Variants in CLVS1 observed in about 807,000 individuals in gnomAD.
The protein encoded by CLVS1 is clavesin 1, also known as clavesin-1.
Under a neutral mutation model 33.1 loss-of-function variants are expected in CLVS1, and 10 were observed. That is an observed-to-expected ratio of 0.30 (90% CI 0.19 to 0.51). The LOEUF is 0.51. Ranked by LOEUF, CLVS1 falls within the 20% of genes least tolerant of loss-of-function variation. The pLI, the probability that CLVS1 is intolerant of heterozygous loss-of-function variation, is 0.97. For missense variants in CLVS1, 343 were observed against 433.4 expected (o/e 0.79, Z 1.85); for synonymous variants, 163 against 166.1 (o/e 0.98, Z 0.14).
chr8:61,292,731 A>G (rs1810040981), intron 1 of CLVS1, among the ~76,000 whole-genome samples: 1 of 152,186 alleles, frequency 6.6e-6, no homozygotes, highest in Non-Finnish European at 1.5e-5. Flanking sequence ...TTCCCTATAT[A>G]TTAACTTTGT....
At chr8:61,339,168 G>T (rs1322628678) in intron 2 of CLVS1, among the ~76,000 whole-genome samples, 1 of 152,114 alleles carries the variant, frequency 6.6e-6, no homozygotes, top group Non-Finnish European at 1.5e-5. Flanking sequence ...CTGCTATTGT[G>T]GGGGTCCTCT....
chr8:61,002,153 A>AT, the CLVS1 span, among the ~76,000 whole-genome samples: 13 of 146,992 alleles, frequency 8.8e-5, no homozygotes, highest in Non-Finnish European at 1.7e-4. Flanking sequence ...TAATTTTTGT[A>AT]TTTTTTTTTG....
chr8:61,071,071 C>G (rs1172842231), intron 1 of CLVS1, among the ~76,000 whole-genome samples: 1 of 152,164 alleles, frequency 6.6e-6, no homozygotes, highest in African/African-American at 2.4e-5. Flanking sequence ...ATTCTGTGAG[C>G]CCAGTTCTAT....
chr8:61,195,690 T>G (rs1807589791), intron 2 of CLVS1, among the ~76,000 whole-genome samples: 1 of 152,086 alleles, frequency 6.6e-6, no homozygotes, highest in Non-Finnish European at 1.5e-5. Context: ...TATGAGAAAT[T>G]ATTTATTTCA....
At chr8:61,416,665 G>T (rs1007438877) in intron 3 of CLVS1, among the ~76,000 whole-genome samples, 2 of 152,122 alleles carry the variant, frequency 1.3e-5, no homozygotes, top group African/African-American at 4.8e-5. Context: ...GCTTCCCCCA[G>T]GCCTGCTTGG....
intron 3 of CLVS1, among the ~76,000 whole-genome samples, chr8:61,410,885 G>A (rs888951387): frequency 7.9e-5 from 12 of 152,146 alleles, no homozygotes; most frequent in Middle Eastern, 3.4e-3. Flanking sequence ...CAAGTGATCC[G>A]CCTGCCTTAG....
chr8:61,379,941 A>G (rs1014358555), intron 3 of CLVS1, among the ~76,000 whole-genome samples: 2 of 152,204 alleles, frequency 1.3e-5, no homozygotes, highest in African/African-American at 2.4e-5. Flanking sequence ...CTCTTCAGCT[A>G]GAGGTTCCAA....
the CLVS1 span, among the ~76,000 whole-genome samples, chr8:61,050,652 G>A: frequency 7.0e-6 from 1 of 142,776 alleles, no homozygotes; most frequent in African/African-American, 2.7e-5. Flanking sequence ...CTCAGGGAGG[G>A]ACATTTCACT....
At chr8:61,039,374 A>G in the CLVS1 span, among the ~76,000 whole-genome samples, 1 of 152,156 alleles carries the variant, frequency 6.6e-6, no homozygotes, top group African/African-American at 2.4e-5. Flanking sequence ...TTTGAAACAC[A>G]CTGTACAGTC....
the CLVS1 span, among the ~76,000 whole-genome samples, chr8:61,019,296 C>T: frequency 1.3e-5 from 2 of 152,204 alleles, no homozygotes; most frequent in African/African-American, 4.8e-5. Flanking sequence ...TCACTTACCT[C>T]AGTCTAGAAC....
upstream of CLVS1, among the ~76,000 whole-genome samples, chr8:61,053,211 T>C (rs1804415632): frequency 6.6e-6 from 1 of 152,014 alleles, no homozygotes; most frequent in Non-Finnish European, 1.5e-5. Context: ...GACAGGACAG[T>C]ATAATTTGGG....
chr8:61,168,739 T>C (rs1315581863), intron 2 of CLVS1, among the ~76,000 whole-genome samples: 1 of 152,194 alleles, frequency 6.6e-6, no homozygotes, highest in Non-Finnish European at 1.5e-5. Flanking sequence ...ACCTAATAAA[T>C]AAACTCCAGA....
At chr8:61,204,386 A>T (rs1259551780) in intron 2 of CLVS1, among the ~76,000 whole-genome samples, 3 of 152,228 alleles carry the variant, frequency 2.0e-5, no homozygotes. Context: ...GGGTTTCAGG[A>T]AGCAAATTAT....
intron 3 of CLVS1, among the ~76,000 whole-genome samples, chr8:61,409,861 A>G (rs1305283931): frequency 1.3e-5 from 2 of 152,150 alleles, no homozygotes; most frequent in Non-Finnish European, 2.9e-5. Context: ...TTTATTTTGC[A>G]TTTCTCTAAT....
At chr8:61,349,850 C>T (rs1432494347) in intron 2 of CLVS1, among the ~76,000 whole-genome samples, 2 of 152,128 alleles carry the variant, frequency 1.3e-5, no homozygotes, top group Non-Finnish European at 2.9e-5. Context: ...CTCTCTAGCA[C>T]TCCCCAAACA....
intron 2 of CLVS1, among the ~76,000 whole-genome samples, chr8:61,253,361 C>T (rs949473790): frequency 6.6e-6 from 1 of 152,026 alleles, no homozygotes; most frequent in Non-Finnish European, 1.5e-5. Flanking sequence ...ACATTTTTTC[C>T]TTCATTTCAA....
chr8:60,969,068 A>T, the CLVS1 span, among the ~76,000 whole-genome samples: 2 of 152,202 alleles, frequency 1.3e-5, no homozygotes, highest in Non-Finnish European at 1.5e-5. Flanking sequence ...TATCACAATC[A>T]AGCTCTATAC....
chr8:61,369,382 AC>A (rs1361618794), intron 2 of CLVS1, among the ~76,000 whole-genome samples: 6 of 152,244 alleles, frequency 3.9e-5, no homozygotes, highest in Admixed American at 3.9e-4. Context: ...ATGATGGCAC[AC>A]ATTCAGCTAA....
chr8:61,432,650 G>A (rs1172881657), intron 3 of CLVS1, among the ~76,000 whole-genome samples: 4 of 152,174 alleles, frequency 2.6e-5, no homozygotes, highest in African/African-American at 9.7e-5. Context: ...CATCGAGTCT[G>A]TGGTACTTTC....
Sources: gnomAD v4.1 joint callset for allele counts (sites outside exome capture counted in the v4.1 genomes callset) on GRCh38, gnomAD v4.1.1 for gene constraint, MANE v1.5 for transcripts, NCBI Gene and HGNC (gene_info 2026-07-23, HGNC 2026-07-21) for gene names.